Variants in LYRM4 observed in about 807,000 individuals in gnomAD.
LYRM4 encodes the protein LYR motif containing 4.
A neutral mutation model predicts 11.7 loss-of-function variants in LYRM4; 9 were observed. That is an observed-to-expected ratio of 0.77 (90% confidence interval 0.46 to 1.34). The LOEUF is 1.34. Ranked by LOEUF, LYRM4 falls within the 40% of genes most tolerant of loss-of-function variation. LYRM4 has a pLI of 0.00. For synonymous variants in LYRM4, 42 were observed against 40.4 expected, an observed-to-expected ratio of 1.04 and a Z score of -0.15; for missense variants, 133 against 112.5, an observed-to-expected ratio of 1.18 and a Z score of -0.82.
intron 2 of LYRM4, among the ~76,000 whole-genome samples, chr6:5,190,554 T>C (rs1326714271): frequency 1.3e-5 from 2 of 152,196 alleles, no homozygotes; most frequent in East Asian, 3.8e-4. Flanking sequence ...CTATCTCTCA[T>C]GTGACTGAAA....
chr6:5,037,809 A>G, the LYRM4 span, among the ~76,000 whole-genome samples: 283 of 35,766 alleles, frequency 7.9e-3, 12 homozygotes, highest in African/African-American at 0.018. Context: ...CTGGCCGGGC[A>G]GGGGGCTGAC....
chr6:5,246,008 G>GT (rs1561899764), intron 1 of LYRM4, among the ~76,000 whole-genome samples: 1 of 152,094 alleles, frequency 6.6e-6, no homozygotes, highest in Non-Finnish European at 1.5e-5. Flanking sequence ...AACAACTATA[G>GT]TTTTTTCCTT....
At chr6:5,250,767 A>T (rs1462792419) in intron 1 of LYRM4, among the ~76,000 whole-genome samples, 6 of 152,230 alleles carry the variant, frequency 3.9e-5, no homozygotes, top group Admixed American at 3.9e-4. Context: ...TTTACAAAGC[A>T]GTCTTTTTCT....
chr6:5,047,230 G>C, the LYRM4 span, among the ~76,000 whole-genome samples: 1 of 152,210 alleles, frequency 6.6e-6, no homozygotes, highest in Non-Finnish European at 1.5e-5. Flanking sequence ...TTTTAGATAA[G>C]ACGATCAACA....
intron 2 of LYRM4, among the ~76,000 whole-genome samples, chr6:5,157,524 A>AC (rs1011213685): frequency 6.6e-5 from 10 of 152,146 alleles, no homozygotes; most frequent in African/African-American, 2.2e-4. Context: ...AAAAAAAAAA[A>AC]AGAAGACTGA....
At chr6:5,057,509 G>A in the LYRM4 span, among the ~76,000 whole-genome samples, 2 of 152,088 alleles carry the variant, frequency 1.3e-5, no homozygotes, top group Non-Finnish European at 2.9e-5. Flanking sequence ...TTGAGGTCAG[G>A]AGTTCGAGAC....
chr6:5,107,379 T>C (rs1029875713), downstream of LYRM4: 4 of 152,128 alleles, frequency 2.6e-5, no homozygotes, highest in Non-Finnish European at 5.9e-5. Flanking sequence ...TGGACTTCGG[T>C]TCCAAGTAGC....
chr6:5,106,010 G>T (rs1289234433), downstream of LYRM4: 1 of 152,282 alleles, frequency 6.6e-6, no homozygotes, highest in Non-Finnish European at 1.5e-5. Flanking sequence ...TGCATGTGCT[G>T]TTCCTCCTGC....
chr6:5,180,551 A>T (rs1020283562), intron 2 of LYRM4, among the ~76,000 whole-genome samples: 8 of 152,100 alleles, frequency 5.3e-5, no homozygotes, highest in Admixed American at 3.3e-4. Context: ...TGAGCCCTAG[A>T]CTTTGACTCA....
intron 2 of LYRM4, among the ~76,000 whole-genome samples, chr6:5,177,548 G>A (rs429490): frequency 0.3 from 45,452 of 152,100 alleles, 7,094 homozygotes; most frequent in African/African-American, 0.39. Flanking sequence ...AGTCTCCCAC[G>A]TTGCCTTGTT....
the LYRM4 span, among the ~76,000 whole-genome samples, chr6:5,039,773 G>A: frequency 6.6e-6 from 1 of 151,826 alleles, no homozygotes; most frequent in South Asian, 2.1e-4. Context: ...ATTTAAATGA[G>A]GTGAAAAGGA....
At chr6:5,035,113 G>T in the LYRM4 span, among the ~76,000 whole-genome samples, 1 of 152,052 alleles carries the variant, frequency 6.6e-6, no homozygotes, top group African/African-American at 2.4e-5. Flanking sequence ...GTGACCAGAC[G>T]CTCACAGAAC....
chr6:5,059,222 T>C, the LYRM4 span, among the ~76,000 whole-genome samples: 1 of 151,776 alleles, frequency 6.6e-6, no homozygotes, highest in Non-Finnish European at 1.5e-5. Context: ...ACACATGTAG[T>C]CTTAGCTACC....
the LYRM4 span, among the ~76,000 whole-genome samples, chr6:5,057,932 T>G: frequency 6.6e-6 from 1 of 151,974 alleles, no homozygotes; most frequent in Non-Finnish European, 1.5e-5. Flanking sequence ...TCTTATTTTT[T>G]GTAGAGATGG....
the LYRM4 span, chr6:5,034,753 C>CA: frequency 1.1e-5 from 1 of 93,852 alleles, no homozygotes; most frequent in African/African-American, 5.0e-5. Context: ...TACAGCAATG[C>CA]TTTTTTTTTT....
intron 2 of LYRM4, among the ~76,000 whole-genome samples, chr6:5,198,468 G>T (rs1314690179): frequency 1.3e-5 from 2 of 152,186 alleles, no homozygotes; most frequent in Non-Finnish European, 2.9e-5. Flanking sequence ...CCTACTGTGT[G>T]AAAGGACTCT....
intron 2 of LYRM4, among the ~76,000 whole-genome samples, chr6:5,174,846 A>G (rs766632817): frequency 2.4e-4 from 36 of 152,228 alleles, no homozygotes; most frequent in Non-Finnish European, 4.3e-4. Flanking sequence ...GAGAATATAA[A>G]AGATAAGCAA....
At chr6:5,144,326 T>C (rs1757578026) in intron 2 of LYRM4, 4 of 1,524,404 alleles carry the variant, frequency 2.6e-6, no homozygotes, top group Middle Eastern at 1.9e-4. Context: ...GAAAAAGAAG[T>C]GGCTTACGTG....
chr6:5,127,720 T>A (rs990468516), intron 2 of LYRM4, among the ~76,000 whole-genome samples: 2 of 152,252 alleles, frequency 1.3e-5, no homozygotes, highest in Non-Finnish European at 2.9e-5. Flanking sequence ...CTGTTCTTTT[T>A]TGCTTTTTAA....
Sources: allele counts gnomAD v4.1 joint callset (sites outside exome capture counted in the v4.1 genomes callset), GRCh38; gene constraint gnomAD v4.1.1; transcripts MANE v1.5; gene names NCBI Gene and HGNC (gene_info 2026-07-23, HGNC 2026-07-21).